The following SYNPO variants were observed in gnomAD, a reference collection of about 807,000 sequenced individuals.
The protein encoded by SYNPO is synaptopodin.
SYNPO carries 19 observed loss-of-function variants against 49.5 expected under a neutral mutation model. The ratio of observed to expected loss-of-function variants is 0.38; its 90% confidence interval spans 0.27 to 0.56. SYNPO has a LOEUF of 0.56. Among genes scored for constraint, SYNPO ranks in the 20% least tolerant of loss-of-function variants. The pLI, the probability that SYNPO is intolerant of heterozygous loss-of-function variation, is 0.68. For missense variants in SYNPO, 1,131 were observed against 1,248.3 expected (o/e 0.91, Z 1.42); for synonymous variants, 536 against 548.0 (o/e 0.98, Z 0.31).
the SYNPO span, among the ~76,000 whole-genome samples, chr5:150,589,561 G>A: frequency 6.6e-6 from 1 of 152,198 alleles, no homozygotes; most frequent in Non-Finnish European, 1.5e-5. Context: ...CATGTGGGCT[G>A]GTGTGCCAGC....
chr5:150,619,028 T>C (rs1183859777), intron 2 of SYNPO, among the ~76,000 whole-genome samples: 1 of 150,840 alleles, frequency 6.6e-6, no homozygotes, highest in Non-Finnish European at 1.5e-5. Flanking sequence ...CACATTATCT[T>C]GCTTGGCTAA....
chr5:150,589,582 C>T, the SYNPO span, among the ~76,000 whole-genome samples: 1 of 152,212 alleles, frequency 6.6e-6, no homozygotes, highest in Non-Finnish European at 1.5e-5. Flanking sequence ...TGGATAACTT[C>T]CTAGAAGTGG....
intron 1 of SYNPO, among the ~76,000 whole-genome samples, chr5:150,644,494 A>G (rs574921091): frequency 2.4e-4 from 36 of 152,278 alleles, no homozygotes; most frequent in African/African-American, 8.7e-4. Flanking sequence ...AGGGAGTGGA[A>G]TGGGGTGACC....
At chr5:150,641,382 A>G (rs957234192) in intron 1 of SYNPO, among the ~76,000 whole-genome samples, 1 of 152,156 alleles carries the variant, frequency 6.6e-6, no homozygotes, top group Non-Finnish European at 1.5e-5. Flanking sequence ...CTGGACTACC[A>G]CAATGGGCTG....
At chr5:150,586,379 G>A in the SYNPO span, among the ~76,000 whole-genome samples, 42 of 152,304 alleles carry the variant, frequency 2.8e-4, no homozygotes, top group South Asian at 7.7e-3. Context: ...GTCAAATGCC[G>A]TCTCATCTTT....
chr5:150,603,997 C>T (rs1224248029), intron 1 of SYNPO, among the ~76,000 whole-genome samples: 1 of 152,230 alleles, frequency 6.6e-6, no homozygotes, highest in Non-Finnish European at 1.5e-5. Flanking sequence ...CATATGGAGT[C>T]ATCCACAGTC....
upstream of SYNPO, among the ~76,000 whole-genome samples, chr5:150,600,311 A>G (rs1258022976): frequency 6.6e-6 from 1 of 152,182 alleles, no homozygotes; most frequent in Non-Finnish European, 1.5e-5. Context: ...GTTGGAGGGG[A>G]TGCCCAGAGC....
At chr5:150,619,560 C>T (rs1003990303) in intron 2 of SYNPO, among the ~76,000 whole-genome samples, 1 of 152,140 alleles carries the variant, frequency 6.6e-6, no homozygotes, top group South Asian at 2.1e-4. Flanking sequence ...GGGAAGCCCA[C>T]GCTGAATCAC....
rs1190204141 is a variant in SYNPO at position 150,648,715 on chromosome 5, C to T, written c.440C>T (p.Ala147Val). Residue 147 changes from alanine (A) to valine (V), a missense_variant, in exon 2 of 3, where the codon GCT (alanine) becomes GTT (valine). Ala to Val is a moderately conservative substitution (Grantham distance 64, BLOSUM62 0). Transcript: ENST00000307662. This position sits in a 1 kb window ranked among gnomAD's most constrained non-coding sequence, Gnocchi z 5.0. ...GCTGATGGGCAACCCCAGGCACCGG[C>T]TGAGGAGGTGAGATGCAGCACACTC... ...LCADGQPQAP[A>V]EEVRCSTLLI... is the part of the protein sequence containing the mutation. The T allele has an allele frequency of 6.2e-7, 1 of 1,614,222 alleles. No homozygotes were observed.
At chr5:150,613,918 G>A (rs1756917829) in intron 1 of SYNPO, among the ~76,000 whole-genome samples, 1 of 152,138 alleles carries the variant, frequency 6.6e-6, no homozygotes. Flanking sequence ...GCTTACAAGG[G>A]AGGCTCTTTT....
chr5:150,605,519 T>C (rs1756667305), intron 1 of SYNPO, among the ~76,000 whole-genome samples: 1 of 151,172 alleles, frequency 6.6e-6, no homozygotes, highest in Non-Finnish European at 1.5e-5. Context: ...GGAAATCTTA[T>C]GGGGAGAGGG....
At chr5:150,640,579 A>AGCGTGGG, upstream of SYNPO, 1 of 907,914 alleles carries the variant, frequency 1.1e-6, no homozygotes, top group Non-Finnish European at 1.3e-6. Flanking sequence ...TGAATCTGGC[A>AGCGTGGG]GCGTGGGGCG....
intron 2 of SYNPO, among the ~76,000 whole-genome samples, chr5:150,621,982 G>T (rs151059641): frequency 7.8e-4 from 119 of 152,292 alleles, no homozygotes; most frequent in Admixed American, 3.7e-3. Flanking sequence ...AACTGGTAGC[G>T]TTTCTTGAGA....
chr5:150,641,136 C>G (rs1049262955), intron 1 of SYNPO, among the ~76,000 whole-genome samples: 2 of 152,318 alleles, frequency 1.3e-5, no homozygotes, highest in East Asian at 3.9e-4. Context: ...AGATTGCGCT[C>G]GCCATGACTC....
chr5:150,616,406 T>C (rs58040282), intron 1 of SYNPO, among the ~76,000 whole-genome samples: 9,810 of 152,286 alleles, frequency 0.064, 724 homozygotes, highest in East Asian at 0.25. Flanking sequence ...CACAGCTAAG[T>C]AGCAGCGGAA....
intron 2 of SYNPO, chr5:150,652,632 A>T (rs1032114665): frequency 3.8e-5 from 6 of 156,406 alleles, no homozygotes; most frequent in African/African-American, 9.7e-5. Context: ...ACTTTAGAGG[A>T]TTTTTGGGGA....
chr5:150,643,176 A>G (rs1235137171), intron 1 of SYNPO, among the ~76,000 whole-genome samples: 1 of 152,236 alleles, frequency 6.6e-6, no homozygotes, highest in East Asian at 1.9e-4. Flanking sequence ...GGAACCGGCC[A>G]GCCAGGAGCC....
chr5:150,593,305 T>C, the SYNPO span, among the ~76,000 whole-genome samples: 1 of 152,168 alleles, frequency 6.6e-6, no homozygotes, highest in Admixed American at 6.5e-5. Context: ...CTTTCTGAGC[T>C]TTTGGATGCT....
intron 2 of SYNPO, among the ~76,000 whole-genome samples, chr5:150,655,159 A>C (rs573676505): frequency 6.6e-6 from 1 of 152,370 alleles, no homozygotes; most frequent in African/African-American, 2.4e-5. Flanking sequence ...TTTACATTTT[A>C]ATTTTGATAA....
Sources: allele counts gnomAD v4.1 joint callset (sites outside exome capture counted in the v4.1 genomes callset), GRCh38; gene constraint gnomAD v4.1.1; non-coding constraint Gnocchi (gnomAD v3.1); transcripts MANE v1.5; gene names NCBI Gene and HGNC (gene_info 2026-07-23, HGNC 2026-07-21).